Variants in TCEA3 observed in about 807,000 individuals in gnomAD.
TCEA3 encodes transcription elongation factor A3, also known as transcription elongation factor A protein 3.
TCEA3 carries 36 observed loss-of-function variants against 44.0 expected under a neutral mutation model. The ratio of observed to expected loss-of-function variants is 0.82; its 90% CI spans 0.63 to 1.08. The LOEUF (loss-of-function observed/expected upper bound fraction) is 1.08. Among genes scored for constraint, TCEA3 ranks in the 50% least tolerant of loss-of-function variants. The pLI, the probability that TCEA3 is intolerant of heterozygous loss-of-function variation, is 0.00. For missense variants in TCEA3, 392 were observed against 441.2 expected (o/e 0.89, Z 1.00); for synonymous variants, 162 against 159.7 (o/e 1.01, Z -0.11).
At chr1:23,388,236 T>A (rs892243429) in intron 8 of TCEA3, among the ~76,000 whole-genome samples, 4 of 150,920 alleles carry the variant, frequency 2.7e-5, no homozygotes, top group Non-Finnish European at 5.9e-5. Flanking sequence ...TCTCGCTCTG[T>A]CACCAGGCTG....
intron 8 of TCEA3, among the ~76,000 whole-genome samples, chr1:23,387,730 T>G (rs1388999861): frequency 6.6e-6 from 1 of 152,180 alleles, no homozygotes. Flanking sequence ...TGCCAGGACC[T>G]TGGCCTTGGC....
intron 5 of TCEA3, among the ~76,000 whole-genome samples, chr1:23,399,134 ATG>A (rs1434173032): frequency 4.0e-5 from 3 of 74,778 alleles, no homozygotes; most frequent in African/African-American, 1.7e-4. Context: ...GTTTATATAT[ATG>A]TATATATGTA....
chr1:23,384,534 C>T, intron 9 of TCEA3, 117 bp from the exon 10 acceptor site: 1 of 1,029,388 alleles, frequency 9.7e-7, no homozygotes, highest in Admixed American at 2.3e-5. Context: ...ATTCCCACCC[C>T]CCGCTGGCAA....
intron 4 of TCEA3, among the ~76,000 whole-genome samples, chr1:23,416,058 G>A (rs1380244656): frequency 1.4e-5 from 2 of 145,422 alleles, no homozygotes; most frequent in Admixed American, 1.4e-4. Flanking sequence ...CCAGGCTGGA[G>A]TGCAATGGTG....
intron 9 of TCEA3, 110 bp downstream of exon 9, chr1:23,387,163 A>G: frequency 7.2e-7 from 1 of 1,389,194 alleles, no homozygotes; most frequent in South Asian, 1.5e-5. Context: ...AAGCCTAGAG[A>G]GTTTTAACGC....
chr1:23,399,122 T>TTGTTTATATATATGTATATATG (rs1304434066), intron 5 of TCEA3, among the ~76,000 whole-genome samples: 2 of 95,276 alleles, frequency 2.1e-5, no homozygotes, highest in African/African-American at 6.2e-5. Context: ...CATTCAGGTT[T>TTGTTTATATATATGTATATATG]TGTTTATATA....
intron 8 of TCEA3, among the ~76,000 whole-genome samples, chr1:23,388,202 T>C (rs1050838339): frequency 1.3e-5 from 2 of 150,042 alleles, no homozygotes; most frequent in African/African-American, 4.9e-5. Flanking sequence ...TTTTAAACTT[T>C]TTTTTTTTTT....
intron 8 of TCEA3, among the ~76,000 whole-genome samples, chr1:23,392,291 C>T (rs1027672944): frequency 6.7e-6 from 1 of 148,212 alleles, no homozygotes; most frequent in African/African-American, 2.5e-5. Flanking sequence ...ACCACACATG[C>T]CACACATATG....
At chr1:23,416,953 G>C (rs113657354) in intron 4 of TCEA3, among the ~76,000 whole-genome samples, 1 of 152,158 alleles carries the variant, frequency 6.6e-6, no homozygotes, top group Non-Finnish European at 1.5e-5. Flanking sequence ...CTAGACTGCC[G>C]TGCGGTCTCC....
chr1:23,424,528 G>A, intron 1 of TCEA3, 37 bp downstream of exon 1: 4 of 1,577,480 alleles, frequency 2.5e-6, no homozygotes, highest in Non-Finnish European at 3.5e-6. Context: ...CGCGCCTCCC[G>A]GGGGCGGGGG....
In TCEA3 at chr1:23,394,052, GGCCA is replaced by G; in HGVS notation, c.665-23_665-20del. ...TAGATATGTGACACAGTCAAGGGCC[GGCCA>G]GCCATTCATGGAGGGGCACAGAAGG... On this transcript the variant is annotated intron_variant, in intron 7 of 10. Transcript: ENST00000450454. 4 of 1,613,320 alleles carry G rather than the reference GGCCA, an allele frequency of 2.5e-6. 1 individual carries two copies. The South Asian group carries it at 4.4e-5, about 18-fold the overall frequency.
intron 10 of TCEA3, among the ~76,000 whole-genome samples, chr1:23,382,457 C>G (rs576964581): frequency 6.6e-6 from 1 of 152,242 alleles, no homozygotes; most frequent in African/African-American, 2.4e-5. Flanking sequence ...GTTTTATGTA[C>G]CAGGCATGTC....
chr1:23,416,284 G>C (rs983910865), intron 4 of TCEA3, among the ~76,000 whole-genome samples: 8 of 152,010 alleles, frequency 5.3e-5, no homozygotes, highest in African/African-American at 1.9e-4. Flanking sequence ...GGGATTACAG[G>C]GGTGAGATAC....
intron 4 of TCEA3, among the ~76,000 whole-genome samples, chr1:23,412,863 G>A (rs762928504): frequency 3.9e-5 from 6 of 152,202 alleles, no homozygotes; most frequent in African/African-American, 7.2e-5. Context: ...TTTCACTAAT[G>A]TGGTTACAGT....
At chr1:23,395,782 C>T (rs1289478887) in intron 7 of TCEA3, among the ~76,000 whole-genome samples, 1 of 148,532 alleles carries the variant, frequency 6.7e-6, no homozygotes, top group African/African-American at 2.5e-5. Flanking sequence ...GAGCTGAGAT[C>T]ATGCCACTGC....
chr1:23,385,378 C>A (rs921383627), intron 9 of TCEA3, among the ~76,000 whole-genome samples: 1 of 152,132 alleles, frequency 6.6e-6, no homozygotes, highest in Non-Finnish European at 1.5e-5. Context: ...AAAGCAGTGA[C>A]GAGCAGAGAG....
chr1:23,387,108 C>T (rs755203953), intron 9 of TCEA3, among the ~76,000 whole-genome samples, 165 bp downstream of exon 9: 2 of 152,228 alleles, frequency 1.3e-5, no homozygotes, highest in African/African-American at 2.4e-5. Context: ...TCGCCTTGGC[C>T]TCCCAAAGTG....
intron 9 of TCEA3, among the ~76,000 whole-genome samples, chr1:23,385,924 C>T (rs976116406): frequency 6.6e-6 from 1 of 152,218 alleles, no homozygotes; most frequent in African/African-American, 2.4e-5. Flanking sequence ...GGCTAAAAAG[C>T]CCATCTGTGG....
chr1:23,383,090 T>C (rs1249214316), intron 10 of TCEA3, among the ~76,000 whole-genome samples: 4 of 151,996 alleles, frequency 2.6e-5, no homozygotes, highest in Admixed American at 6.6e-5. Context: ...CCATCCTGGC[T>C]AACACGGTGA....
Sources: gnomAD v4.1 joint callset for allele counts (sites outside exome capture counted in the v4.1 genomes callset) on GRCh38, gnomAD v4.1.1 for gene constraint, MANE v1.5 for transcripts, NCBI Gene and HGNC (gene_info 2026-07-23, HGNC 2026-07-21) for gene names.